SLC2A13: variants seen among roughly 807,000 people sequenced by gnomAD.
The protein encoded by SLC2A13 is solute carrier family 2 member 13.
A neutral mutation model predicts 64.4 loss-of-function variants in SLC2A13; 32 were observed. The ratio of observed to expected loss-of-function variants is 0.50; its 90% CI spans 0.37 to 0.67. The LOEUF (loss-of-function observed/expected upper bound fraction) is 0.67, where lower values mean the gene tolerates loss of function less well. Among genes scored for constraint, SLC2A13 ranks in the 30% least tolerant of loss-of-function variants. The pLI, the probability that SLC2A13 is intolerant of heterozygous loss-of-function variation, is 0.00. For synonymous variants in SLC2A13, 338 were observed against 327.1 expected (o/e 1.03, Z -0.36); for missense variants, 743 against 829.2 (o/e 0.90, Z 1.28).
chr12:39,755,045 C>G lies in SLC2A13; in HGVS notation c.*4981G>C, dbSNP rs1939941462. 1.3e-5 allele frequency: 2 copies of G among 151,888 alleles called. No individual in the cohort carries two copies. The highest frequency in any genetic ancestry group is 2.4e-5 in the African/African-American group (1 of 41,352). 9.4% of individuals were successfully genotyped at this position (151,888 alleles called of 1,614,324 possible). A position where few individuals can be genotyped will look rare whatever the true frequency, so the allele number is the denominator to read the frequency against. Reference sequence around the variant, plus strand: ...GTTAATGAGTAATGAATTATTTTAACTTTTATTTGATTATTTTCATTTACA... The same window carrying G: ...GTTAATGAGTAATGAATTATTTTAAGTTTTATTTGATTATTTTCATTTACA... On this transcript the variant is annotated 3_prime_UTR_variant, in exon 10 of 10. Coordinates refer to ENST00000280871, the MANE Select transcript of SLC2A13 (RefSeq NM_052885.4).
chr12:39,853,628 T>C (rs1446772897), intron 6 of SLC2A13, among the ~76,000 whole-genome samples: 1 of 151,412 alleles, frequency 6.6e-6, no homozygotes, highest in Non-Finnish European at 1.5e-5. Flanking sequence ...TGTTAAGTAA[T>C]TTTCCTAGAA....
chr12:39,877,910 T>A (rs763036857), intron 4 of SLC2A13, among the ~76,000 whole-genome samples: 23 of 152,184 alleles, frequency 1.5e-4, no homozygotes, highest in Admixed American at 6.5e-5. Context: ...GACGTTTGGA[T>A]CATGGAGGTG....
intron 4 of SLC2A13, among the ~76,000 whole-genome samples, chr12:39,891,650 A>G (rs751410308): frequency 1.3e-5 from 2 of 152,136 alleles, no homozygotes; most frequent in Non-Finnish European, 2.9e-5. Context: ...GACAATCCTT[A>G]AGGTATGTAT....
At chr12:39,785,115 A>T (rs1376180454) in intron 7 of SLC2A13, among the ~76,000 whole-genome samples, 1 of 152,178 alleles carries the variant, frequency 6.6e-6, no homozygotes, top group Non-Finnish European at 1.5e-5. Flanking sequence ...GCCTAATGTG[A>T]ATCCCCAAGA....
intron 7 of SLC2A13, among the ~76,000 whole-genome samples, chr12:39,765,793 G>A (rs999898805): frequency 4.6e-5 from 7 of 152,022 alleles, no homozygotes; most frequent in African/African-American, 9.7e-5. Flanking sequence ...AGGTAAATGC[G>A]TGCTGTAGTG....
rs540934140 is a variant in SLC2A13 at position 39,940,357 on chromosome 12, T to G, written c.1034+10900A>C. 7.2e-5 allele frequency among the ~76,000 whole-genome samples: 11 copies of G among 152,220 alleles called. 1 individual carries two copies. In the South Asian group the frequency reaches 2.1e-3, roughly 29 times the overall value. On this transcript the variant is annotated intron_variant, in intron 4 of 9. Transcript: ENST00000280871. ...CCTGCCACCTTTATTCTTCTCTACA[T>G]TTATCACCATCTGACCATGTGTGCT...
At chr12:39,917,711 G>C (rs1312314390) in intron 4 of SLC2A13, among the ~76,000 whole-genome samples, 1 of 152,014 alleles carries the variant, frequency 6.6e-6, no homozygotes, top group African/African-American at 2.4e-5. Flanking sequence ...GAATTACACT[G>C]CTGACTCCTG....
At chr12:40,058,042 CAGATAGATAGATAGAT>C (rs10534370) in intron 1 of SLC2A13, among the ~76,000 whole-genome samples, 213 of 145,250 alleles carry the variant, frequency 1.5e-3, no homozygotes, top group Non-Finnish European at 8.6e-4. Flanking sequence ...AATTTCTCTC[CAGATAGATAGATAGAT>C]AGATAGATAG....
chr12:39,764,132 T>G (rs1026732194), intron 9 of SLC2A13, among the ~76,000 whole-genome samples: 2 of 152,072 alleles, frequency 1.3e-5, no homozygotes, highest in South Asian at 2.1e-4. Flanking sequence ...TTTCTGTTTT[T>G]TTTTTTTGTT....
chr12:39,784,591 C>G (rs1401038526), intron 7 of SLC2A13, among the ~76,000 whole-genome samples: 1 of 152,196 alleles, frequency 6.6e-6, no homozygotes, highest in African/African-American at 2.4e-5. Context: ...GGATTAAATA[C>G]TTAAATGTTA....
chr12:39,774,023 AT>A (rs1361170581), intron 7 of SLC2A13, among the ~76,000 whole-genome samples: 1 of 152,324 alleles, frequency 6.6e-6, no homozygotes, highest in African/African-American at 2.4e-5. Context: ...TCCCTAAGCT[AT>A]CACCTCAAAA....
chr12:39,781,490 AATAC>A (rs1940982160), intron 7 of SLC2A13, among the ~76,000 whole-genome samples: 1 of 152,242 alleles, frequency 6.6e-6, no homozygotes, highest in South Asian at 2.1e-4. Context: ...GTTGGGGCTC[AATAC>A]ATATTTGTTT....
chr12:39,859,424 T>C (rs1264459770), intron 6 of SLC2A13, among the ~76,000 whole-genome samples: 1 of 147,344 alleles, frequency 6.8e-6, no homozygotes, highest in Admixed American at 6.9e-5. Flanking sequence ...CAAAACAACA[T>C]GCCACTGTCC....
chr12:39,847,573 C>T (rs952832768), intron 6 of SLC2A13, among the ~76,000 whole-genome samples: 1 of 152,058 alleles, frequency 6.6e-6, no homozygotes, highest in Non-Finnish European at 1.5e-5. Flanking sequence ...GCCACCCTGG[C>T]CCATGTGGTG....
intron 3 of SLC2A13, among the ~76,000 whole-genome samples, chr12:39,989,798 C>T (rs928482955): frequency 1.3e-5 from 2 of 152,210 alleles, no homozygotes; most frequent in African/African-American, 4.8e-5. Context: ...AATTAATCCC[C>T]ATGATCCAGA....
intron 5 of SLC2A13, among the ~76,000 whole-genome samples, chr12:39,871,235 G>T (rs1482649079): frequency 6.6e-6 from 1 of 152,028 alleles, no homozygotes; most frequent in Non-Finnish European, 1.5e-5. Context: ...TAAAAAAAAG[G>T]TTTTGCTTTA....
chr12:39,991,996 T>C (rs1277881080), intron 3 of SLC2A13, among the ~76,000 whole-genome samples: 1 of 152,180 alleles, frequency 6.6e-6, no homozygotes, highest in East Asian at 1.9e-4. Flanking sequence ...AGATGCATGC[T>C]ACCATTGCCC....
chr12:39,938,512 CAT>C lies in SLC2A13; in HGVS notation c.1034+12743_1034+12744del, dbSNP rs558348554. On this transcript the variant is annotated intron_variant, in intron 4 of 9. Coordinates refer to ENST00000280871, the MANE Select transcript of SLC2A13 (RefSeq NM_052885.4). ...TAAATATTGGTTGAAGGCATAAATA[CAT>C]ACATACATTAATGATGTATTTTTCA... Among the ~76,000 whole-genome samples the C allele has an allele frequency of 4.0e-3, 26 of 6,566 alleles. No individual in the cohort carries two copies. In the South Asian group the frequency reaches 0.086, roughly 22 times the overall value. The allele number at this position is 6,566 out of a possible 152,430, so 4.3% of individuals were successfully genotyped here.
At chr12:39,860,647 CT>C (rs1943735413) in intron 6 of SLC2A13, among the ~76,000 whole-genome samples, 2 of 152,232 alleles carry the variant, frequency 1.3e-5, no homozygotes, top group East Asian at 1.9e-4. Flanking sequence ...TTTAGTCCAC[CT>C]TTTTTCTCAT....
Sources: allele counts gnomAD v4.1 joint callset (sites outside exome capture counted in the v4.1 genomes callset), GRCh38; gene constraint gnomAD v4.1.1; transcripts MANE v1.5; gene names NCBI Gene and HGNC (gene_info 2026-07-23, HGNC 2026-07-21).